TRPC6: variants seen among roughly 807,000 people sequenced by gnomAD.
The protein encoded by TRPC6 is short transient receptor potential channel 6.
TRPC6 carries 55 observed loss-of-function variants against 90.7 expected under a neutral mutation model. The observed-to-expected ratio is 0.61, with a 90% CI of 0.49 to 0.76. The LOEUF (loss-of-function observed/expected upper bound fraction) is 0.76. TRPC6 is among the 30% of genes least tolerant of loss of function. TRPC6 has a pLI of 0.00. For synonymous variants in TRPC6, 393 were observed against 393.0 expected, an observed-to-expected ratio of 1.00 and a Z score of 0.00; for missense variants, 989 against 1,122.7, an observed-to-expected ratio of 0.88 and a Z score of 1.70.
chr11:101,468,061 ACT>A (rs1400003056), intron 10 of TRPC6, among the ~76,000 whole-genome samples: 25 of 152,126 alleles, frequency 1.6e-4, no homozygotes, highest in African/African-American at 4.8e-4. Context: ...TAATCTGCTG[ACT>A]CTCTTGGATG....
At chr11:101,474,236 G>A (rs1267822899) in intron 6 of TRPC6, among the ~76,000 whole-genome samples, 2 of 152,150 alleles carry the variant, frequency 1.3e-5, no homozygotes, top group Non-Finnish European at 2.9e-5. Flanking sequence ...TTATTATTCA[G>A]TCTTAAACTA....
At chr11:101,523,459 T>G (rs561795979) in intron 1 of TRPC6, among the ~76,000 whole-genome samples, 7 of 152,358 alleles carry the variant, frequency 4.6e-5, no homozygotes, top group East Asian at 1.9e-4. Context: ...AAAATGGAAC[T>G]GAACAGTTGC....
intron 1 of TRPC6, among the ~76,000 whole-genome samples, chr11:101,524,249 T>G (rs551888732): frequency 1.3e-5 from 2 of 152,260 alleles, no homozygotes; most frequent in South Asian, 4.1e-4. Flanking sequence ...TCAGGCCATT[T>G]TTTTATTTTT....
chr11:101,483,411 T>C (rs1859600010), intron 4 of TRPC6, among the ~76,000 whole-genome samples: 1 of 152,174 alleles, frequency 6.6e-6, no homozygotes, highest in South Asian at 2.1e-4. Flanking sequence ...TAATAAAGGA[T>C]ATTTAAATTC....
At chr11:101,548,476 ATC>A (rs757404318) in intron 1 of TRPC6, among the ~76,000 whole-genome samples, 1 of 112,142 alleles carries the variant, frequency 8.9e-6, no homozygotes, top group African/African-American at 3.6e-5. Flanking sequence ...ATATATATAT[ATC>A]TCTCTCTCTC....
chr11:101,554,952 C>T (rs771850666), intron 1 of TRPC6, among the ~76,000 whole-genome samples: 1 of 152,136 alleles, frequency 6.6e-6, no homozygotes, highest in African/African-American at 2.4e-5. Context: ...AGTCTTAAAA[C>T]AGGCCACAAA....
chr11:101,577,079 T>C (rs533352589), intron 1 of TRPC6, among the ~76,000 whole-genome samples: 10 of 152,196 alleles, frequency 6.6e-5, no homozygotes, highest in Admixed American at 3.3e-4. Flanking sequence ...TTACTCCTAA[T>C]AGAAGGGGAG....
chr11:101,528,380 T>A lies in TRPC6; in HGVS notation c.171-23582A>T, dbSNP rs182784867. Among the ~76,000 whole-genome samples, 23 of 152,302 alleles carry A rather than the reference T, an allele frequency of 1.5e-4. 1 individual carries two copies. In the East Asian group the frequency reaches 4.2e-3, roughly 28 times the overall value. On this transcript the variant is annotated intron_variant, in intron 1 of 12. Coordinates refer to ENST00000344327, the MANE Select transcript of TRPC6 (RefSeq NM_004621.6). ...AATATTGTGCCTTGGATAAACCTCA[T>A]TGCCTACACATTGCAAACCTCATTG...
At chr11:101,549,367 G>A (rs192764327) in intron 1 of TRPC6, among the ~76,000 whole-genome samples, 145 of 147,338 alleles carry the variant, frequency 9.8e-4, no homozygotes, top group Admixed American at 2.6e-3. Context: ...CTCATATTAC[G>A]CCATAAAGCA....
intron 1 of TRPC6, among the ~76,000 whole-genome samples, chr11:101,529,561 G>C (rs932791510): frequency 6.6e-6 from 1 of 152,188 alleles, no homozygotes; most frequent in African/African-American, 2.4e-5. Context: ...GGCTAGAATA[G>C]ATCGTCCTAC....
At position 101,568,311 on chromosome 11, in the gene TRPC6, GAA is replaced by G. The variant is rs372433963; in HGVS notation, c.170+15021_170+15022del. On this transcript the variant is annotated intron_variant, in intron 1 of 12. Coordinates refer to ENST00000344327, the MANE Select transcript of TRPC6 (RefSeq NM_004621.6). ...AATAAAGCATGAAGACAAGATTAGA[GAA>G]AAAAGAGTGAAAATAAACGAACAAA... is the stretch of plus-strand genomic sequence containing the variant. Among the ~76,000 whole-genome samples the G allele has an allele frequency of 1.5e-3, 225 of 152,184 alleles. 2 individuals carry two copies. In the South Asian group the frequency reaches 0.021, roughly 14 times the overall value.
At chr11:101,503,667 TATACCTGG>T (rs1186500273) in intron 2 of TRPC6, among the ~76,000 whole-genome samples, 1 of 152,172 alleles carries the variant, frequency 6.6e-6, no homozygotes, top group East Asian at 1.9e-4. Flanking sequence ...CAGAGTGCAG[TATACCTGG>T]ATTCTGAACC....
chr11:101,480,646 A>AAAAT (rs143990935), intron 5 of TRPC6, among the ~76,000 whole-genome samples: 18,698 of 152,090 alleles, frequency 0.12, 1,716 homozygotes, highest in African/African-American at 0.26. Context: ...GCCTAATAGG[A>AAAAT]AAATAGCACT....
intron 1 of TRPC6, among the ~76,000 whole-genome samples, chr11:101,526,678 C>A (rs1477503924): frequency 6.6e-6 from 1 of 151,502 alleles, no homozygotes; most frequent in Admixed American, 6.6e-5. Context: ...GTGGCCAACA[C>A]AGTGAAACCC....
At chr11:101,549,628 T>G (rs1331201668) in intron 1 of TRPC6, among the ~76,000 whole-genome samples, 1 of 150,060 alleles carries the variant, frequency 6.7e-6, no homozygotes, top group Non-Finnish European at 1.5e-5. Context: ...ATGTTTAAAA[T>G]TGAGAGAAAA....
At chr11:101,553,318 A>ATT (rs35718997) in intron 1 of TRPC6, among the ~76,000 whole-genome samples, 15,529 of 151,208 alleles carry the variant, frequency 0.1, 894 homozygotes, top group Middle Eastern at 0.13. Context: ...TACCAGCCTT[A>ATT]TTTTTTTTTA....
chr11:101,551,977 A>G (rs979986097), intron 1 of TRPC6, among the ~76,000 whole-genome samples: 2 of 152,024 alleles, frequency 1.3e-5, no homozygotes, highest in African/African-American at 4.8e-5. Context: ...CTGATACAAA[A>G]ATAAGAATAC....
chr11:101,558,105 G>T (rs1178847305), intron 1 of TRPC6, among the ~76,000 whole-genome samples: 2 of 151,536 alleles, frequency 1.3e-5, no homozygotes, highest in Non-Finnish European at 2.9e-5. Context: ...TAAAACTGAA[G>T]TTATCATACT....
intron 6 of TRPC6, among the ~76,000 whole-genome samples, chr11:101,474,777 G>T (rs974252763): frequency 2.6e-5 from 4 of 152,108 alleles, no homozygotes; most frequent in African/African-American, 9.7e-5. Context: ...CCCCATCCAG[G>T]TTTCTACGAG....
Sources: gnomAD v4.1 joint callset for allele counts (sites outside exome capture counted in the v4.1 genomes callset) on GRCh38, gnomAD v4.1.1 for gene constraint, MANE v1.5 for transcripts, NCBI Gene and HGNC (gene_info 2026-07-23, HGNC 2026-07-21) for gene names.